The following TEP1 variants were observed in gnomAD, a reference collection of about 807,000 sequenced individuals.
TEP1 encodes the protein telomerase associated protein 1, also known as telomerase protein component 1.
TEP1 carries 241 observed loss-of-function variants against 306.3 expected under a neutral mutation model. That is an observed-to-expected ratio of 0.79 (90% CI 0.71 to 0.88). The LOEUF (loss-of-function observed/expected upper bound fraction) is 0.88. Among genes scored for constraint, TEP1 ranks in the 40% least tolerant of loss-of-function variants. The pLI, the probability that TEP1 is intolerant of heterozygous loss-of-function variation, is 0.00. For missense variants in TEP1, 3,051 were observed against 3,276.1 expected (o/e 0.93, Z 1.68); for synonymous variants, 1,289 against 1,305.5 (o/e 0.99, Z 0.27).
chr14:20,386,020 C>T, intron 20 of TEP1, 55 bp downstream of exon 20: 2 of 1,536,850 alleles, frequency 1.3e-6, no homozygotes, highest in Admixed American at 2.3e-5. Flanking sequence ...TTCTCCCAGC[C>T]TCTGCCCCAA....
At position 20,382,355 on chromosome 14, in the gene TEP1, A is replaced by G. The variant is rs748274661; in HGVS notation, c.4142T>C (p.Val1381Ala). 6.2e-6 allele frequency: 10 copies of G among 1,606,700 alleles called. No homozygotes were observed. The South Asian group carries it at 1.0e-4, about 16-fold the overall frequency. Residue 1381 changes from valine (V) to alanine (A), a missense_variant and splice_region_variant, in exon 29 of 55, where the codon GTG becomes GCG. Around this residue, in one of 3 missense-constraint regions of TEP1, gnomAD observed 1,540 missense variants for 1,705.9 expected, o/e 0.90. Transcript: ENST00000262715. ...HLRLFTLYEQ[V>A]SERLRTLPAT... ...AGGCAGGGTCCGGAGTCTCTCAGACACCTAGGATGGCGGGAGGACAGCCTT... is the reference window on the plus strand; with the variant it reads ...AGGCAGGGTCCGGAGTCTCTCAGACGCCTAGGATGGCGGGAGGACAGCCTT...
In TEP1 at chr14:20,379,035, A is replaced by T; in HGVS notation, c.5198T>A (p.Phe1733Tyr). Residue 1733 changes from phenylalanine to tyrosine, a missense_variant, in exon 36 of 55, where the codon TTT becomes TAT. Phe to Tyr is a conservative substitution (Grantham distance 22). Transcript: ENST00000262715. ...ACLFLSDDTL[F>Y]LTAFDGLLEL... ...CAGGAGCCCGTCGAAGGCAGTAAGA[A>T]AGAGTGTATCATCGGAGAGGAACAA... The T allele has an allele frequency of 6.2e-7, 1 of 1,614,240 alleles. No individual in the cohort carries two copies. The highest frequency in any genetic ancestry group is 8.5e-7 in the Non-Finnish European group (1 of 1,180,042).
In TEP1 at chr14:20,380,355, G is replaced by A; in HGVS notation, c.4883C>T (p.Ala1628Val). 1 of 1,614,238 alleles carries A rather than the reference G, an allele frequency of 6.2e-7. No homozygotes were observed. The highest frequency in any genetic ancestry group is 8.5e-7 in the Non-Finnish European group (1 of 1,180,048). ...AGGTGAGTCCAGGGGCTGGTTGGCTGCCTGCTGGGGCAGGAGCCGGGGGTA... is the reference window on the plus strand; with the variant it reads ...AGGTGAGTCCAGGGGCTGGTTGGCTACCTGCTGGGGCAGGAGCCGGGGGTA... ...SQYPRLLPQQ[A>V]ANQPLDSPLC... Residue 1628 changes from alanine to valine, a missense_variant, in exon 34 of 55, where the codon GCA (alanine) becomes GTA (valine). By Grantham distance (64) the Ala-to-Val change is moderately conservative. This residue lies in a region of TEP1 where 1,540 missense variants were observed against 1,705.9 expected (regional missense o/e 0.90). Transcript: ENST00000262715.
At chr14:20,383,111 C>T in intron 27 of TEP1, 63 bp downstream of exon 27, 1 of 1,517,572 alleles carries the variant, frequency 6.6e-7, no homozygotes, top group Non-Finnish European at 8.8e-7. Flanking sequence ...GCCTCGGCAC[C>T]CCAGGTCCTC....
Position 20,395,926 on chromosome 14 carries a change from C to T in TEP1, c.1683G>A (p.Gln561=). 6.2e-7 allele frequency: 1 copy of T among 1,614,112 alleles called. No homozygotes were observed. The highest frequency in any genetic ancestry group is 8.5e-7 in the Non-Finnish European group (1 of 1,179,996). The change falls in exon 11 of 55, where the codon CAG becomes CAA. Residue 561 remains glutamine (Q), a synonymous_variant. Coordinates refer to ENST00000262715, the MANE Select transcript of TEP1 (RefSeq NM_007110.5). ...QHAKSVIHSR[Q]FPFRFLNAHD... ...GGGCGTTAAGAAATCTGAATGGAAACTGCCGACTGTGGATCACCGACTTCT... is the reference window on the plus strand; with the variant it reads ...GGGCGTTAAGAAATCTGAATGGAAATTGCCGACTGTGGATCACCGACTTCT...
At chr14:20,388,211 T>G in intron 17 of TEP1, 148 bp from the exon 18 acceptor site, 1 of 788,208 alleles carries the variant, frequency 1.3e-6, no homozygotes, top group Non-Finnish European at 2.0e-6. Flanking sequence ...AAGCAGTTTA[T>G]GCAGACTTAA....
In TEP1 at chr14:20,367,659, T is replaced by G. The variant is rs1884553736; in HGVS notation, c.*778A>C. On this transcript the variant is annotated 3_prime_UTR_variant, in exon 55 of 55. Coordinates refer to ENST00000262715, the MANE Select transcript of TEP1 (RefSeq NM_007110.5). ...CAGAGTCTCGCTCTGTTGCCCAGGC[T>G]GGAGTGCAGTGGTGTCTCGGCTCAC... The G allele has an allele frequency of 6.6e-6, 1 of 152,670 alleles. No homozygotes were observed. The highest frequency in any genetic ancestry group is 1.5e-5 in the Non-Finnish European group (1 of 68,784). 9.5% of individuals were successfully genotyped at this position (152,670 alleles called of 1,614,324 possible).
At chr14:20,396,003 G>T (rs1306986136) in intron 10 of TEP1, 54 bp from the exon 11 acceptor site, 3 of 1,377,114 alleles carry the variant, frequency 2.2e-6, no homozygotes, top group East Asian at 2.3e-5. Flanking sequence ...AGTATGGGGG[G>T]CTTCAGGGGT....
At chr14:20,374,038 C>T (rs1342239070) in intron 44 of TEP1, among the ~76,000 whole-genome samples, 1 of 152,006 alleles carries the variant, frequency 6.6e-6, no homozygotes, top group African/African-American at 2.4e-5. Context: ...TTTACACCAA[C>T]CCTTAGCCTC....
Position 20,382,331 on chromosome 14 carries a change from G to A in TEP1, c.4166C>T (p.Pro1389Leu). 1 of 1,612,438 alleles carries A rather than the reference G, an allele frequency of 6.2e-7. No individual in the cohort carries two copies. The highest frequency in any genetic ancestry group is 8.5e-7 in the Non-Finnish European group (1 of 1,179,158). ...CTGCAGCAGCAGGGGGACAGTGGCA[G>A]GCAGGGTCCGGAGTCTCTCAGACAC... is the stretch of plus-strand genomic sequence containing the variant. ...EQVSERLRTL[P>L]ATVPLLLQHI... The change falls in exon 29 of 55, where the codon CCT (proline) becomes CTT (leucine). Residue 1389 changes from proline (P) to leucine (L), a missense_variant. Transcript: ENST00000262715.
rs1266006904 is a variant in TEP1, at chr14:20,373,787, G to A, written c.6495C>T (p.Ser2165=). Reference sequence around the variant, plus strand: ...CCCACACTTTCAAGGTCCCATCCCGGCTCACAGACACCACGTGCTCCTCCT... The same window carrying A: ...CCCACACTTTCAAGGTCCCATCCCGACTCACAGACACCACGTGCTCCTCCT... ...AAVEEHVVSV[S]RDGTLKVWDH... Residue 2165 remains serine (S), a synonymous_variant, in exon 45 of 55, where the codon AGC becomes AGT. Coordinates refer to ENST00000262715, the MANE Select transcript of TEP1 (RefSeq NM_007110.5). The A allele has an allele frequency of 2.5e-6, 4 of 1,613,566 alleles. No homozygotes were observed. In the East Asian group the frequency reaches 6.7e-5, roughly 27 times the overall value.
In TEP1 at chr14:20,406,095, A is replaced by T. The variant is rs531882956; in HGVS notation, c.735+138T>A. The T allele has an allele frequency of 9.1e-6, 6 of 657,024 alleles. No homozygotes were observed. In the South Asian group the frequency reaches 1.7e-4, roughly 18 times the overall value. 40.7% of individuals were successfully genotyped at this position (657,024 alleles called of 1,614,324 possible). A position where few individuals can be genotyped will look rare whatever the true frequency, so the allele number is the denominator to read the frequency against. ...AAAATAAAAGAAAAAAGAAAAGGGG[A>T]TTAGGAAGTGAGAAATAAGAGCTAG... On this transcript the variant is annotated intron_variant, in intron 3 of 54. Transcript: ENST00000262715.
chr14:20,404,691 A>G lies in TEP1; in HGVS notation c.952T>C (p.Cys318Arg), dbSNP rs1196328268. The change falls in exon 5 of 55, where the codon TGT becomes CGT. Residue 318 changes from cysteine (C) to arginine (R), a missense_variant. By Grantham distance (180) the Cys-to-Arg change is radical. Around this residue, in one of 3 missense-constraint regions of TEP1, gnomAD observed 1,507 missense variants for 1,550.5 expected, o/e 0.97. Transcript: ENST00000262715. ...AAATATCGTCGCAGGTGGGGGCGAC[A>G]CGCCGGCAAGAAAGCAGCAATGGCC... ...ILAIAAFLPA[C>R]RPHLRRYFCA... 6.2e-7 allele frequency: 1 copy of G among 1,614,230 alleles called. No homozygotes were observed. The highest frequency in any genetic ancestry group is 1.1e-5 in the South Asian group (1 of 91,084).
Position 20,387,912 on chromosome 14 carries a change from G to A in TEP1, c.2677C>T (p.Gln893Ter). Residue 893 changes from glutamine to a stop codon, truncating the protein, a stop_gained, in exon 18 of 55, where the codon CAG (glutamine) becomes TAG (stop). Transcript: ENST00000262715. LOFTEE classifies it high-confidence loss of function. ...DTPSPLAPVSQQGWRSIRLFI... is the reference protein window; with the variant it reads ...DTPSPLAPVS The stretch of plus-strand genomic sequence containing the variant: ...ATAGAAACACAGACTGACCCTTGCT[G>A]GGAAACAGGAGCCAAGGGGCTTGGA... The A allele has an allele frequency of 6.2e-7, 1 of 1,604,180 alleles. No homozygotes were observed. The highest frequency in any genetic ancestry group is 8.5e-7 in the Non-Finnish European group (1 of 1,176,886).
At chr14:20,401,378 T>C (rs1878725265) in intron 8 of TEP1, 79 bp downstream of exon 8, 3 of 1,579,984 alleles carry the variant, frequency 1.9e-6, no homozygotes, top group African/African-American at 2.7e-5. Flanking sequence ...GTTTGAGAAC[T>C]ACTGGGATGG....
In TEP1 at chr14:20,381,485, G is replaced by A; in HGVS notation, c.4558+68C>T. On this transcript the variant is annotated intron_variant, in intron 31 of 54. Transcript: ENST00000262715. The surrounding 1 kb of genome is among the most constrained non-coding windows in gnomAD (Gnocchi z 4.0). ...GAGCTGGCCAGCAGATGGGAGCACA[G>A]TGGGTGGTCCTGGCCTCCAGGCCCA... is the stretch of plus-strand genomic sequence containing the variant. 1 of 1,612,640 alleles carries A rather than the reference G, an allele frequency of 6.2e-7. No individual in the cohort carries two copies. Among genetic ancestry groups the A allele is most frequent in the Non-Finnish European group, 8.5e-7 (1 of 1,179,862 alleles).
chr14:20,395,318 C>A, intron 12 of TEP1, 132 bp downstream of exon 12: 1 of 817,562 alleles, frequency 1.2e-6, no homozygotes. Context: ...AGAAACCAGG[C>A]AGTTCTGAGC....
At chr14:20,396,148 G>A (rs1289951573) in intron 10 of TEP1, among the ~76,000 whole-genome samples, 199 bp from the exon 11 acceptor site, 2 of 152,168 alleles carry the variant, frequency 1.3e-5, no homozygotes, top group Non-Finnish European at 2.9e-5. Flanking sequence ...AGAAGAGAAA[G>A]TAACAGAAGG....
At position 20,380,470 on chromosome 14, in the gene TEP1, A is replaced by C; in HGVS notation, c.4768T>G (p.Ser1590Ala). ...AGCTTTTGTTCCTCTTTGGGGACTG[A>C]AGAAGCTATAAAAGGGTGGCAGAAT... ...LLEAHALYAS[S>A]VPKEEQKLPE... Residue 1590 changes from serine to alanine, a missense_variant, in exon 34 of 55, where the codon TCA becomes GCA. Physicochemically the swap from Ser to Ala is moderately conservative, Grantham distance 99 (BLOSUM62 1). Transcript: ENST00000262715. 1 of 1,611,598 alleles carries C rather than the reference A, an allele frequency of 6.2e-7. No homozygotes were observed. Among genetic ancestry groups the C allele is most frequent in the Non-Finnish European group, 8.5e-7 (1 of 1,179,532 alleles).
Sources: gnomAD v4.1 joint callset for allele counts (sites outside exome capture counted in the v4.1 genomes callset) on GRCh38, gnomAD v4.1.1 for gene constraint, gnomAD v4.1.1 regional missense constraint, Gnocchi (gnomAD v3.1) non-coding constraint, MANE v1.5 for transcripts, NCBI Gene and HGNC (gene_info 2026-07-23, HGNC 2026-07-21) for gene names.